Variants in MAF observed in about 807,000 individuals in gnomAD.
The protein encoded by MAF is transcription factor Maf.
MAF carries 10 observed loss-of-function variants against 22.0 expected under a neutral mutation model. That is an observed-to-expected ratio of 0.45 (90% CI 0.28 to 0.77). The LOEUF (loss-of-function observed/expected upper bound fraction) is 0.77. Among genes scored for constraint, MAF ranks in the 30% least tolerant of loss-of-function variants. MAF has a pLI of 0.12. For synonymous variants in MAF, 337 were observed against 255.8 expected, an observed-to-expected ratio of 1.32 and a Z score of -3.03; for missense variants, 544 against 548.4, an observed-to-expected ratio of 0.99 and a Z score of 0.08.
At chr16:79,567,830 G>A in the MAF span, among the ~76,000 whole-genome samples, 1 of 152,212 alleles carries the variant, frequency 6.6e-6, no homozygotes, top group Non-Finnish European at 1.5e-5. Context: ...TCTTCCACCT[G>A]CCAGCTAATG....
At chr16:79,455,791 G>C in the MAF span, among the ~76,000 whole-genome samples, 1 of 152,204 alleles carries the variant, frequency 6.6e-6, no homozygotes, top group Non-Finnish European at 1.5e-5. Context: ...ACCAAGGTGG[G>C]CAGACTGCCT....
At chr16:79,345,263 T>G in the MAF span, among the ~76,000 whole-genome samples, 1 of 152,224 alleles carries the variant, frequency 6.6e-6, no homozygotes, top group African/African-American at 2.4e-5. Flanking sequence ...CACCCTATTG[T>G]CACCTAACTT....
chr16:79,273,719 A>AATAATT, the MAF span, among the ~76,000 whole-genome samples: 1 of 152,178 alleles, frequency 6.6e-6, no homozygotes, highest in African/African-American at 2.4e-5. Context: ...AACTCTTGTG[A>AATAATT]ATAATTATGC....
chr16:79,467,524 C>G, the MAF span, among the ~76,000 whole-genome samples: 5 of 152,192 alleles, frequency 3.3e-5, no homozygotes, highest in Non-Finnish European at 7.3e-5. Flanking sequence ...CGAAACCATA[C>G]AGTGTGTAAG....
the MAF span, among the ~76,000 whole-genome samples, chr16:79,369,877 G>A: frequency 4.2e-4 from 64 of 152,206 alleles, no homozygotes; most frequent in African/African-American, 1.4e-3. Context: ...GAAATAACTG[G>A]AAAGGGGACT....
chr16:79,314,236 G>T, the MAF span, among the ~76,000 whole-genome samples: 9 of 152,150 alleles, frequency 5.9e-5, no homozygotes, highest in African/African-American at 1.7e-4. Flanking sequence ...ATACTTGCAA[G>T]GTGTTCACCC....
chr16:79,554,070 C>G, the MAF span, among the ~76,000 whole-genome samples: 7 of 151,952 alleles, frequency 4.6e-5, no homozygotes, highest in African/African-American at 1.7e-4. Context: ...TGCTGGGTGA[C>G]AGAGTAAGAC....
the MAF span, among the ~76,000 whole-genome samples, chr16:79,571,044 G>C: frequency 6.6e-6 from 1 of 151,660 alleles, no homozygotes; most frequent in Non-Finnish European, 1.5e-5. Flanking sequence ...AAGTCACAAA[G>C]CTAGAAAGGT....
the MAF span, among the ~76,000 whole-genome samples, chr16:79,339,711 G>T: frequency 5.4e-3 from 814 of 152,148 alleles, 1 homozygote; most frequent in Non-Finnish European, 6.6e-3. Flanking sequence ...CCATAGAAAG[G>T]GAGAATGCAG....
the MAF span, among the ~76,000 whole-genome samples, chr16:79,470,439 G>A: frequency 5.3e-5 from 8 of 152,176 alleles, no homozygotes; most frequent in Non-Finnish European, 8.8e-5. Context: ...CCACTCCACT[G>A]TGGGCTAGAG....
At chr16:79,513,046 G>C in the MAF span, among the ~76,000 whole-genome samples, 1 of 152,232 alleles carries the variant, frequency 6.6e-6, no homozygotes, top group Non-Finnish European at 1.5e-5. Context: ...TTTTCCCACT[G>C]TGCATAAAGT....
At chr16:79,271,005 A>T in the MAF span, among the ~76,000 whole-genome samples, 1 of 150,272 alleles carries the variant, frequency 6.7e-6, no homozygotes, top group African/African-American at 2.5e-5. Context: ...GGTTCAAGTG[A>T]TTCTCCTGCC....
the MAF span, chr16:79,206,833 G>A: frequency 6.6e-6 from 1 of 152,310 alleles, no homozygotes; most frequent in Non-Finnish European, 1.5e-5. Flanking sequence ...CCTCATTCCT[G>A]TATAGGCTGC....
chr16:79,472,995 A>G, the MAF span, among the ~76,000 whole-genome samples: 9 of 152,200 alleles, frequency 5.9e-5, no homozygotes, highest in East Asian at 1.4e-3. Flanking sequence ...TGGAGCTTAC[A>G]TTCTGGTGGG....
At chr16:79,211,664 G>C in the MAF span, 2 of 1,614,166 alleles carry the variant, frequency 1.2e-6, no homozygotes, top group Middle Eastern at 1.6e-4. Flanking sequence ...TGGAGGGTCT[G>C]GGAGGGATGT....
At chr16:79,329,909 T>C in the MAF span, among the ~76,000 whole-genome samples, 1 of 151,892 alleles carries the variant, frequency 6.6e-6, no homozygotes, top group Non-Finnish European at 1.5e-5. Flanking sequence ...TTAATATCCA[T>C]ACAGCATAAA....
chr16:79,402,691 G>A, the MAF span, among the ~76,000 whole-genome samples: 1 of 152,214 alleles, frequency 6.6e-6, no homozygotes, highest in Non-Finnish European at 1.5e-5. Flanking sequence ...CAACTGCTTG[G>A]CAGGGCAGGT....
the MAF span, among the ~76,000 whole-genome samples, chr16:79,502,333 C>A: frequency 3.9e-5 from 6 of 152,088 alleles, no homozygotes; most frequent in African/African-American, 4.8e-5. Flanking sequence ...TTCTGTTTTA[C>A]CGAACTCTTA....
chr16:79,372,581 G>A, the MAF span, among the ~76,000 whole-genome samples: 20 of 152,332 alleles, frequency 1.3e-4, no homozygotes, highest in East Asian at 1.9e-4. Flanking sequence ...CTTAGCCGTG[G>A]TGACCTACTG....
Sources: gnomAD v4.1 joint callset for allele counts (sites outside exome capture counted in the v4.1 genomes callset) on GRCh38, gnomAD v4.1.1 for gene constraint, MANE v1.5 for transcripts, NCBI Gene and HGNC (gene_info 2026-07-23, HGNC 2026-07-21) for gene names.